SOCS5: variants seen among roughly 807,000 people sequenced by gnomAD.
SOCS5 encodes CIS-6.
A neutral mutation model predicts 42.8 loss-of-function variants in SOCS5; 32 were observed. The observed-to-expected ratio is 0.75, with a 90% confidence interval of 0.56 to 1.01. The LOEUF is 1.01. Ranked by LOEUF, SOCS5 falls within the 50% of genes least tolerant of loss-of-function variation. SOCS5 has a pLI of 0.00. For missense variants in SOCS5, 627 were observed against 653.0 expected, an observed-to-expected ratio of 0.96 and a Z score of 0.43; for synonymous variants, 283 against 229.6, an observed-to-expected ratio of 1.23 and a Z score of -2.10.
intron 1 of SOCS5, among the ~76,000 whole-genome samples, chr2:46,706,522 G>T (rs554636654): frequency 6.6e-6 from 1 of 152,266 alleles, no homozygotes; most frequent in South Asian, 2.1e-4. Context: ...GGAAAGCTAG[G>T]AATGTCTTGG....
intron 1 of SOCS5, among the ~76,000 whole-genome samples, chr2:46,737,991 C>G (rs1284249163): frequency 1.3e-5 from 2 of 152,066 alleles, no homozygotes; most frequent in Non-Finnish European, 2.9e-5. Context: ...TTGAAATGAT[C>G]TGAAAAGGTG....
At chr2:46,723,635 A>G (rs984479288) in intron 1 of SOCS5, among the ~76,000 whole-genome samples, 1 of 152,038 alleles carries the variant, frequency 6.6e-6, no homozygotes, top group African/African-American at 2.4e-5. Context: ...TGTTTCGTGT[A>G]TCTGTCCTTT....
chr2:46,716,130 C>G (rs1289790416), intron 1 of SOCS5, among the ~76,000 whole-genome samples: 2 of 125,658 alleles, frequency 1.6e-5, no homozygotes, highest in African/African-American at 6.0e-5. Flanking sequence ...TTTTTTAGTT[C>G]TAGAAGTTCT....
At chr2:46,719,210 A>G (rs549680376) in intron 1 of SOCS5, among the ~76,000 whole-genome samples, 118 of 152,314 alleles carry the variant, frequency 7.7e-4, no homozygotes, top group South Asian at 1.7e-3. Flanking sequence ...CAATATAGTG[A>G]ATGATAAAAG....
chr2:46,735,105 G>A (rs944438218), intron 1 of SOCS5, among the ~76,000 whole-genome samples: 53 of 152,232 alleles, frequency 3.5e-4, no homozygotes, highest in African/African-American at 1.1e-3. Context: ...AGTTGGGTAC[G>A]GTAGCAAGTA....
chr2:46,756,294 T>C (rs976440094), intron 1 of SOCS5, among the ~76,000 whole-genome samples: 10 of 152,212 alleles, frequency 6.6e-5, no homozygotes, highest in African/African-American at 2.4e-4. Flanking sequence ...TTCTAGTGTC[T>C]AGAGTGATGT....
rs758202754 is a variant in SOCS5 at position 46,759,584 on chromosome 2, A to G, written c.1054A>G (p.Ser352Gly). The G allele has an allele frequency of 1.9e-6, 3 of 1,613,868 alleles. No individual in the cohort carries two copies. The African/African-American group carries it at 4.0e-5, about 22-fold the overall frequency. ...ATCTGGAGACAGCCATACCCATGTT[A>G]GCAGACAGGGAGCTTGGAAAGTCCA... ...QISGDSHTHVSRQGAWKVHTQ... is the reference protein window; with the variant it reads ...QISGDSHTHVGRQGAWKVHTQ... Residue 352 changes from serine to glycine, a missense_variant, in exon 2 of 2, where the codon AGC becomes GGC. Physicochemically the swap from Ser to Gly is moderately conservative, Grantham distance 56. Around this residue, in one of 3 missense-constraint regions of SOCS5, gnomAD observed 340 missense variants for 367.6 expected, o/e 0.92. Transcript: ENST00000394861.
chr2:46,710,855 T>G (rs1420298383), intron 1 of SOCS5, among the ~76,000 whole-genome samples: 4 of 152,226 alleles, frequency 2.6e-5, no homozygotes, highest in African/African-American at 9.6e-5. Context: ...CTGTTTCTCC[T>G]TTTCCGTGGC....
intron 1 of SOCS5, among the ~76,000 whole-genome samples, chr2:46,718,505 A>G (rs1243516035): frequency 6.6e-6 from 1 of 152,204 alleles, no homozygotes; most frequent in East Asian, 1.9e-4. Flanking sequence ...AAAGTTTACC[A>G]GTTATATGAA....
chr2:46,721,142 C>T (rs1307000074), intron 1 of SOCS5, among the ~76,000 whole-genome samples: 2 of 152,106 alleles, frequency 1.3e-5, no homozygotes, highest in Admixed American at 6.5e-5. Context: ...ATTGCAGTGC[C>T]TCTCTACTTT....
Position 46,759,728 on chromosome 2 carries a change from G to A in SOCS5, c.1198G>A (p.Glu400Lys). The change falls in exon 2 of 2, where the codon GAA (glutamate) becomes AAA (lysine). Residue 400 changes from glutamate (E) to lysine (K), a missense_variant. Glu to Lys is a moderately conservative substitution (Grantham distance 56). This residue lies in a region of SOCS5 where 340 missense variants were observed against 367.6 expected (regional missense o/e 0.92). Coordinates refer to ENST00000394861, the MANE Select transcript of SOCS5 (RefSeq NM_144949.3). ...AGAAGCCCTTCTCGAAGGGAAACCT[G>A]AAGGCACGTTTTTGCTCAGGGACTC... ...EAEALLEGKP[E>K]GTFLLRDSAQ... 1 of 1,614,114 alleles carries A rather than the reference G, an allele frequency of 6.2e-7. No homozygotes were observed. Among genetic ancestry groups the A allele is most frequent in the Non-Finnish European group, 8.5e-7 (1 of 1,180,012 alleles).
At position 46,759,017 on chromosome 2, in the gene SOCS5, G is replaced by A. The variant is rs202138086; in HGVS notation, c.487G>A (p.Asp163Asn). Residue 163 changes from aspartate to asparagine, a missense_variant, in exon 2 of 2, where the codon GAC (aspartate) becomes AAC (asparagine). Physicochemically the swap from Asp to Asn is conservative, Grantham distance 23. This residue lies in a region of SOCS5 where 278 missense variants were observed against 246.3 expected (regional missense o/e 1.13). Coordinates refer to ENST00000394861, the MANE Select transcript of SOCS5 (RefSeq NM_144949.3). ...GCGCTACGGCGTAAGTTCTGTACAC[G>A]ACATGGACAGTGTTTCCAGCAGAAC... ...ERRYGVSSVHDMDSVSSRTVG... is the reference protein window; with the variant it reads ...ERRYGVSSVHNMDSVSSRTVG... 5 of 1,613,862 alleles carry A rather than the reference G, an allele frequency of 3.1e-6. No individual in the cohort carries two copies. Among genetic ancestry groups the A allele is most frequent in the Non-Finnish European group, 4.2e-6 (5 of 1,179,866 alleles).
intron 1 of SOCS5, among the ~76,000 whole-genome samples, chr2:46,719,606 T>C (rs1672835130): frequency 6.6e-6 from 1 of 152,230 alleles, no homozygotes; most frequent in Admixed American, 6.5e-5. Context: ...TAAAATATTA[T>C]GTTTGACGTC....
At chr2:46,741,093 CATTT>C (rs1673364713) in intron 1 of SOCS5, among the ~76,000 whole-genome samples, 1 of 152,092 alleles carries the variant, frequency 6.6e-6, no homozygotes, top group South Asian at 2.1e-4. Context: ...TGTAACCCAC[CATTT>C]ATTTGTGTCT....
Position 46,746,926 on chromosome 2 carries a change from T to C in SOCS5, c.-12-11593T>C, listed in dbSNP as rs138337232. On this transcript the variant is annotated intron_variant, in intron 1 of 1. Coordinates refer to ENST00000394861, the MANE Select transcript of SOCS5 (RefSeq NM_144949.3). The stretch of plus-strand genomic sequence containing the variant: ...CCAATTTGCATGACTTTATTTCTTT[T>C]TTTTTTTTTTTTTTTTTGCCTTATT... Among the ~76,000 whole-genome samples the C allele has an allele frequency of 1.2e-3, 144 of 115,772 alleles. 2 individuals carry two copies. In the East Asian group the frequency reaches 0.025, roughly 20 times the overall value. 76.0% of individuals were successfully genotyped at this position (115,772 alleles called of 152,430 possible).
Position 46,761,415 on chromosome 2 carries a change from T to A in SOCS5, c.*1274T>A, listed in dbSNP as rs1175848582. ...TCGTTAATGTGCTCTGTACCACTGG[T>A]GAGTGCTCCATAGTTTCCTTACCTG... On this transcript the variant is annotated 3_prime_UTR_variant, in exon 2 of 2. Coordinates refer to ENST00000394861, the MANE Select transcript of SOCS5 (RefSeq NM_144949.3). 1 of 167,132 alleles carries A rather than the reference T, an allele frequency of 6.0e-6. No individual in the cohort carries two copies. The highest frequency in any genetic ancestry group is 1.5e-5 in the Non-Finnish European group (1 of 68,120). The allele number at this position is 167,132 out of a possible 1,614,324, so 10.4% of individuals were successfully genotyped here. A position where few individuals can be genotyped will look rare whatever the true frequency, so the allele number is the denominator to read the frequency against.
intron 1 of SOCS5, among the ~76,000 whole-genome samples, chr2:46,715,391 GA>G (rs1192646489): frequency 2.0e-5 from 3 of 149,578 alleles, no homozygotes; most frequent in Admixed American, 2.0e-4. Flanking sequence ...AAAAAGAAAA[GA>G]AAAAAGAAAA....
intron 1 of SOCS5, among the ~76,000 whole-genome samples, chr2:46,722,045 C>A (rs1406777174): frequency 6.6e-6 from 1 of 151,582 alleles, no homozygotes; most frequent in Non-Finnish European, 1.5e-5. Context: ...AATATATAAT[C>A]TTTATTTAAA....
intron 1 of SOCS5, among the ~76,000 whole-genome samples, chr2:46,728,106 C>CT (rs1673036224): frequency 6.6e-6 from 1 of 152,176 alleles, no homozygotes; most frequent in African/African-American, 2.4e-5. Context: ...AGGGCTTCTC[C>CT]TGGATCTCTG....
Sources: allele counts gnomAD v4.1 joint callset (sites outside exome capture counted in the v4.1 genomes callset), GRCh38; gene constraint gnomAD v4.1.1; regional missense constraint gnomAD v4.1.1; transcripts MANE v1.5; gene names NCBI Gene and HGNC (gene_info 2026-07-23, HGNC 2026-07-21).